FBXO3: variants seen among roughly 807,000 people sequenced by gnomAD.
The protein encoded by FBXO3 is F-box protein 3, also known as F-box only protein 3.
A neutral mutation model predicts 64.8 loss-of-function variants in FBXO3; 17 were observed. The ratio of observed to expected loss-of-function variants is 0.26; its 90% confidence interval spans 0.18 to 0.39. The LOEUF is 0.39. Among genes scored for constraint, FBXO3 ranks in the 10% least tolerant of loss-of-function variants. The pLI, the probability that FBXO3 is intolerant of heterozygous loss-of-function variation, is 1.00. For synonymous variants in FBXO3, 182 were observed against 201.6 expected (o/e 0.90, Z 0.82); for missense variants, 420 against 589.9 (o/e 0.71, Z 2.98).
chr11:33,774,167 C>A, intron 1 of FBXO3: 1 of 489,324 alleles, frequency 2.0e-6, no homozygotes, highest in South Asian at 2.3e-5. Flanking sequence ...GATATCTCGT[C>A]GCTTCTCATA....
At chr11:33,755,384 A>G (rs918407950) in intron 5 of FBXO3, among the ~76,000 whole-genome samples, 6 of 152,252 alleles carry the variant, frequency 3.9e-5, no homozygotes, top group Non-Finnish European at 2.9e-5. Context: ...GATACATCAA[A>G]TACCCACTGA....
intron 6 of FBXO3, among the ~76,000 whole-genome samples, chr11:33,752,828 G>GA (rs955966880): frequency 3.3e-5 from 5 of 151,934 alleles, no homozygotes; most frequent in Non-Finnish European, 7.4e-5. Flanking sequence ...ATATTTTGTG[G>GA]AAAAAAGTTA....
chr11:33,774,110 A>C, intron 1 of FBXO3: 1 of 349,078 alleles, frequency 2.9e-6, no homozygotes, highest in Non-Finnish European at 5.3e-6. Flanking sequence ...CACGAGGGCC[A>C]CTACCTCCTT....
chr11:33,769,783 T>TAG (rs1855465219), intron 2 of FBXO3, among the ~76,000 whole-genome samples: 1 of 149,782 alleles, frequency 6.7e-6, no homozygotes, highest in Non-Finnish European at 1.5e-5. Flanking sequence ...CCTGAGTGGA[T>TAG]GATGCTGCTA....
intron 9 of FBXO3, among the ~76,000 whole-genome samples, chr11:33,748,194 G>A (rs541380668): frequency 6.6e-6 from 1 of 152,212 alleles, no homozygotes; most frequent in African/African-American, 2.4e-5. Context: ...TTCCTGGACT[G>A]AAGCCCAGGA....
At chr11:33,749,718 G>A (rs189715911) in intron 8 of FBXO3, among the ~76,000 whole-genome samples, 159 of 152,190 alleles carry the variant, frequency 1.0e-3, no homozygotes, top group African/African-American at 3.6e-3. Flanking sequence ...CTTTCCCTAG[G>A]AATCTGGTGT....
At position 33,768,930 on chromosome 11, in the gene FBXO3, A is replaced by G. The variant is rs1855440933; in HGVS notation, c.279T>C (p.Tyr93=). The G allele has an allele frequency of 6.2e-7, 1 of 1,614,086 alleles. No homozygotes were observed. The change falls in exon 3 of 11, where the codon TAT becomes TAC. Residue 93 remains tyrosine (Y), a synonymous_variant. Transcript: ENST00000265651. ...YSDVGRYIDH[Y]AAIKKAWDDL... is the part of the protein sequence containing the mutation. ...CATCCCAGGCCTTTTTAATAGCAGC[A>G]TAATGGTCAATGTATCTTCCTACAT...
At chr11:33,768,267 CA>C (rs1490536907) in intron 3 of FBXO3, among the ~76,000 whole-genome samples, 1 of 152,000 alleles carries the variant, frequency 6.6e-6, no homozygotes, top group Non-Finnish European at 1.5e-5. Flanking sequence ...TATTTCTTGC[CA>C]AAATTGGACA....
At chr11:33,747,938 G>T (rs1854860721) in intron 9 of FBXO3, among the ~76,000 whole-genome samples, 1 of 148,056 alleles carries the variant, frequency 6.8e-6, no homozygotes, top group African/African-American at 2.5e-5. Flanking sequence ...AGGCATTGAA[G>T]ACACAACCTT....
chr11:33,773,827 T>C (rs1855569376), intron 1 of FBXO3: 3 of 153,130 alleles, frequency 2.0e-5, no homozygotes, highest in African/African-American at 4.8e-5. Flanking sequence ...GGAGCAATGC[T>C]GACAGCAAAA....
At chr11:33,758,707 C>A (rs1397223717) in intron 3 of FBXO3, 106 bp from the exon 4 acceptor site, 1 of 673,598 alleles carries the variant, frequency 1.5e-6, no homozygotes, top group Non-Finnish European at 2.3e-6. Context: ...TGAGTGAATT[C>A]TGTCCAAAAT....
At position 33,768,993 on chromosome 11, in the gene FBXO3, A is replaced by T; in HGVS notation, c.216T>A (p.Asn72Lys). The T allele has an allele frequency of 6.2e-7, 1 of 1,611,764 alleles. No homozygotes were observed. Among genetic ancestry groups the T allele is most frequent in the Non-Finnish European group, 8.5e-7 (1 of 1,179,210 alleles). ...LISEEEKTQK[N>K]QCWKSLFIDT... ...CTATGAAGAGAGATTTCCAACACTG[A>T]TTCTTCTGTGTTTTCTCTTCCCTAA... Residue 72 changes from asparagine (N) to lysine (K), a missense_variant, in exon 3 of 11, where the codon AAT becomes AAA. Asn to Lys is a moderately conservative substitution (Grantham distance 94). This residue lies in a region of FBXO3 where 337 missense variants were observed against 518.4 expected (regional missense o/e 0.65). Transcript: ENST00000265651.
At chr11:33,774,102 C>G (rs1855579088) in intron 1 of FBXO3, 5 of 332,628 alleles carry the variant, frequency 1.5e-5, no homozygotes, top group South Asian at 1.4e-4. Flanking sequence ...CGGTGCGGCA[C>G]GAGGGCCACT....
At chr11:33,745,935 C>T (rs911325505) in intron 10 of FBXO3, 1 of 152,006 alleles carries the variant, frequency 6.6e-6, no homozygotes, top group East Asian at 1.9e-4. Context: ...CAAAAGAGGA[C>T]AAGTGACTAT....
chr11:33,758,234 C>G (rs1358548803), intron 4 of FBXO3, among the ~76,000 whole-genome samples: 1 of 152,072 alleles, frequency 6.6e-6, no homozygotes, highest in Non-Finnish European at 1.5e-5. Flanking sequence ...TATGTCCCAT[C>G]CCCCATCCCA....
chr11:33,746,966 C>T, intron 10 of FBXO3, 164 bp downstream of exon 10: 1 of 1,467,668 alleles, frequency 6.8e-7, no homozygotes, highest in East Asian at 2.5e-5. Flanking sequence ...GCCTCATTTA[C>T]TTGTCCATTT....
chr11:33,766,274 T>C (rs1308501508), intron 3 of FBXO3, among the ~76,000 whole-genome samples: 1 of 152,242 alleles, frequency 6.6e-6, no homozygotes, highest in East Asian at 1.9e-4. Flanking sequence ...ATACCTTGCA[T>C]GAGTCACTTA....
chr11:33,754,637 T>C lies in FBXO3; in HGVS notation c.679-137A>G, dbSNP rs980077323. 37 of 637,902 alleles carry C rather than the reference T, an allele frequency of 5.8e-5. 1 individual carries two copies. The highest frequency in any genetic ancestry group is 4.0e-4 in the Middle Eastern group (1 of 2,504). The allele number at this position is 637,902 out of a possible 1,614,324, so 39.5% of individuals were successfully genotyped here. On this transcript the variant is annotated intron_variant, in intron 5 of 10. Coordinates refer to ENST00000265651, the MANE Select transcript of FBXO3 (RefSeq NM_012175.4). The stretch of plus-strand genomic sequence containing the variant: ...AGATAAGAAGATATATGGCTTGTTA[T>C]CCTAGAAGAAAGGGTTCTGAATCAG...
At position 33,774,462 on chromosome 11, in the gene FBXO3, G is replaced by C; in HGVS notation, c.36C>G (p.Thr12=). ...GGGGATCGGTGGGCAGCGACTCTAG[G>C]GTCAGCGGCGCCGTCTCGGTCTCCA... The part of the protein sequence containing the change: ...AAMETETAPL[T]LESLPTDPLL... Residue 12 remains threonine, a synonymous_variant, in exon 1 of 11, where the codon ACC becomes ACG. Transcript: ENST00000265651. 1 of 1,593,884 alleles carries C rather than the reference G, an allele frequency of 6.3e-7. No homozygotes were observed. Among genetic ancestry groups the C allele is most frequent in the South Asian group, 1.1e-5 (1 of 89,210 alleles).
Sources: gnomAD v4.1 joint callset for allele counts (sites outside exome capture counted in the v4.1 genomes callset) on GRCh38, gnomAD v4.1.1 for gene constraint, gnomAD v4.1.1 regional missense constraint, MANE v1.5 for transcripts, NCBI Gene and HGNC (gene_info 2026-07-23, HGNC 2026-07-21) for gene names.